Variants in RANBP2 observed in about 807,000 individuals in gnomAD.
RANBP2 encodes the protein RAN binding protein 2.
RANBP2 carries 57 observed loss-of-function variants against 303.6 expected under a neutral mutation model. The observed-to-expected ratio is 0.19, with a 90% confidence interval of 0.15 to 0.23. RANBP2 has a LOEUF of 0.23. RANBP2 is among the 10% of genes least tolerant of loss of function. The pLI is 1.00. For missense variants in RANBP2, 3,138 were observed against 3,780.8 expected (o/e 0.83, Z 4.46); for synonymous variants, 1,167 against 1,301.5 (o/e 0.90, Z 2.23).
the RANBP2 span, among the ~76,000 whole-genome samples, chr2:109,517,849 T>C: frequency 1.3e-5 from 2 of 152,204 alleles, no homozygotes; most frequent in African/African-American, 4.8e-5. Context: ...CCCAGGTGAC[T>C]AGGAAGCCTA....
chr2:109,226,557 T>G, the RANBP2 span, among the ~76,000 whole-genome samples: 1,121 of 152,348 alleles, frequency 7.4e-3, 9 homozygotes, highest in South Asian at 0.024. Flanking sequence ...TTTACTGTTC[T>G]TAGGGTGACT....
chr2:108,873,419 T>C, the RANBP2 span: 1 of 1,525,114 alleles, frequency 6.6e-7, no homozygotes. Context: ...CGCTACTCCC[T>C]AATAGTAAAG....
chr2:109,396,206 G>T, the RANBP2 span, among the ~76,000 whole-genome samples: 1 of 152,244 alleles, frequency 6.6e-6, no homozygotes, highest in African/African-American at 2.4e-5. Flanking sequence ...ACGGAGGGCT[G>T]TGGGAGGGAA....
chr2:108,961,052 G>A, the RANBP2 span, among the ~76,000 whole-genome samples: 8 of 152,224 alleles, frequency 5.3e-5, no homozygotes, highest in Admixed American at 3.3e-4. Flanking sequence ...GAGGCCAGGC[G>A]TATAAATGAG....
the RANBP2 span, among the ~76,000 whole-genome samples, chr2:109,778,248 C>T: frequency 7.4e-6 from 1 of 135,482 alleles, no homozygotes; most frequent in African/African-American, 2.9e-5. Context: ...TTCAGCTCCA[C>T]TGTGGGGTAG....
At chr2:109,138,532 A>G in the RANBP2 span, among the ~76,000 whole-genome samples, 1 of 152,170 alleles carries the variant, frequency 6.6e-6, no homozygotes, top group African/African-American at 2.4e-5. Context: ...AATATTCTGG[A>G]CTTCATGTAT....
chr2:109,669,982 C>A, the RANBP2 span, among the ~76,000 whole-genome samples: 1 of 152,012 alleles, frequency 6.6e-6, no homozygotes, highest in Admixed American at 6.6e-5. Flanking sequence ...TACCCCACCA[C>A]CTTTCTACCA....
the RANBP2 span, among the ~76,000 whole-genome samples, chr2:109,512,835 C>G: frequency 3.9e-5 from 6 of 152,218 alleles, no homozygotes; most frequent in Admixed American, 3.9e-4. Context: ...CTCCTCACCC[C>G]CTCCTGGGCC....
At chr2:109,195,878 C>T in the RANBP2 span, among the ~76,000 whole-genome samples, 7 of 152,148 alleles carry the variant, frequency 4.6e-5, no homozygotes, top group African/African-American at 1.4e-4. Flanking sequence ...GAAGGTCTCT[C>T]GAATTTCCCT....
the RANBP2 span, among the ~76,000 whole-genome samples, chr2:109,213,965 C>T: frequency 3.3e-5 from 5 of 152,140 alleles, no homozygotes; most frequent in Admixed American, 2.0e-4. Context: ...TGGAGCAGTC[C>T]CTGCAAAAGA....
chr2:109,049,473 C>G, the RANBP2 span, among the ~76,000 whole-genome samples: 1 of 152,154 alleles, frequency 6.6e-6, no homozygotes, highest in Non-Finnish European at 1.5e-5. Context: ...TTCAGAGAAA[C>G]CTTTCAAAGA....
the RANBP2 span, among the ~76,000 whole-genome samples, chr2:108,967,944 AG>A: frequency 6.6e-6 from 1 of 152,188 alleles, no homozygotes; most frequent in Admixed American, 6.5e-5. Context: ...GCGGAGCTGG[AG>A]GGCCCCAGCC....
intron 1 of RANBP2, among the ~76,000 whole-genome samples, chr2:108,722,998 G>A (rs1254158977): frequency 1.3e-5 from 2 of 152,208 alleles, no homozygotes; most frequent in East Asian, 3.9e-4. Flanking sequence ...TTCTTATTCT[G>A]CAGCTGATTC....
the RANBP2 span, among the ~76,000 whole-genome samples, chr2:109,163,797 C>A: frequency 3.5e-4 from 54 of 152,304 alleles, no homozygotes; most frequent in African/African-American, 1.3e-3. Flanking sequence ...AATGAAACTT[C>A]TTAATAATGG....
the RANBP2 span, among the ~76,000 whole-genome samples, chr2:109,556,913 C>T: frequency 6.6e-6 from 1 of 151,984 alleles, no homozygotes. Flanking sequence ...AGCAAACTAT[C>T]GCAAGGACAA....
the RANBP2 span, among the ~76,000 whole-genome samples, chr2:108,806,652 A>C: frequency 6.6e-6 from 1 of 152,174 alleles, no homozygotes; most frequent in Non-Finnish European, 1.5e-5. Flanking sequence ...TGTGTTCCAA[A>C]ACGACTGTAT....
At chr2:108,786,143 T>G (rs1678657410), downstream of RANBP2, among the ~76,000 whole-genome samples, 1 of 151,894 alleles carries the variant, frequency 6.6e-6, no homozygotes, top group African/African-American at 2.4e-5. Context: ...AAAAAAAAGT[T>G]TTTTTTCCAG....
intron 23 of RANBP2, among the ~76,000 whole-genome samples, chr2:108,775,219 G>C (rs1677794440): frequency 6.6e-6 from 1 of 152,002 alleles, no homozygotes; most frequent in African/African-American, 2.4e-5. Flanking sequence ...CAAATATTTG[G>C]TGATTTTCCT....
chr2:109,436,421 C>T, the RANBP2 span, among the ~76,000 whole-genome samples: 2 of 152,184 alleles, frequency 1.3e-5, no homozygotes, highest in East Asian at 1.9e-4. Flanking sequence ...AGAAGGATGT[C>T]GTGCTGTGTG....
Sources: allele counts gnomAD v4.1 joint callset (sites outside exome capture counted in the v4.1 genomes callset), GRCh38; gene constraint gnomAD v4.1.1; transcripts MANE v1.5; gene names NCBI Gene and HGNC (gene_info 2026-07-23, HGNC 2026-07-21).